TXN2: variants seen among roughly 807,000 people sequenced by gnomAD.
TXN2 encodes thioredoxin, mitochondrial.
In TXN2, 12 loss-of-function variants were observed where a neutral mutation model predicts 14.6. The ratio of observed to expected loss-of-function variants is 0.82; its 90% CI spans 0.53 to 1.33. The LOEUF is 1.33. Ranked by LOEUF, TXN2 falls within the 40% of genes most tolerant of loss-of-function variation. The pLI, the probability that TXN2 is intolerant of heterozygous loss-of-function variation, is 0.00. For missense variants in TXN2, 173 were observed against 207.7 expected (o/e 0.83, Z 1.03); for synonymous variants, 89 against 81.0 (o/e 1.10, Z -0.53).
intron 3 of TXN2, among the ~76,000 whole-genome samples, chr22:36,475,239 G>A (rs1169125409): frequency 3.4e-5 from 5 of 148,754 alleles, no homozygotes; most frequent in Admixed American, 2.0e-4. Context: ...ATTAGCCGGC[G>A]TGGTGGCGCG....
intron 3 of TXN2, among the ~76,000 whole-genome samples, chr22:36,470,821 A>T (rs921733935): frequency 2.6e-5 from 4 of 151,784 alleles, no homozygotes; most frequent in African/African-American, 9.7e-5. Flanking sequence ...GGCCATAATG[A>T]TCTCACTCAT....
chr22:36,477,139 G>A (rs113418452), intron 2 of TXN2, among the ~76,000 whole-genome samples: 6 of 152,164 alleles, frequency 3.9e-5, no homozygotes, highest in African/African-American at 9.7e-5. Context: ...AAAAGGATAT[G>A]GGATTGGAAG....
intron 3 of TXN2, 24 bp from the exon 4 acceptor site, chr22:36,467,941 C>G: frequency 6.3e-7 from 1 of 1,599,662 alleles, no homozygotes; most frequent in South Asian, 1.1e-5. Flanking sequence ...ACAAGGGGGT[C>G]CAAGTGAATT....
At chr22:36,474,282 G>A (rs1465090858) in intron 3 of TXN2, among the ~76,000 whole-genome samples, 3 of 152,090 alleles carry the variant, frequency 2.0e-5, no homozygotes, top group East Asian at 1.9e-4. Context: ...AGTGGCCACC[G>A]TGTTTGTCTG....
intron 3 of TXN2, among the ~76,000 whole-genome samples, chr22:36,470,516 C>A (rs950683724): frequency 6.6e-6 from 1 of 152,198 alleles, no homozygotes; most frequent in Non-Finnish European, 1.5e-5. Flanking sequence ...CACCTGCACA[C>A]TGTCCTATTC....
At chr22:36,476,943 G>A in intron 2 of TXN2, 87 bp from the exon 3 acceptor site, 1 of 1,575,788 alleles carries the variant, frequency 6.3e-7, no homozygotes, top group South Asian at 1.2e-5. Context: ...TCTTTCCAAG[G>A]AATCTTTTGC....
At chr22:36,474,986 T>C (rs1933357035) in intron 3 of TXN2, among the ~76,000 whole-genome samples, 1 of 152,246 alleles carries the variant, frequency 6.6e-6, no homozygotes. Context: ...TTGCTTTGCC[T>C]GAATTGTTCT....
chr22:36,468,217 C>T (rs2145818570), intron 3 of TXN2, among the ~76,000 whole-genome samples: 1 of 152,280 alleles, frequency 6.6e-6, no homozygotes, highest in South Asian at 2.1e-4. Context: ...ATGAAAATAA[C>T]CCTTGCAGCT....
intron 2 of TXN2, among the ~76,000 whole-genome samples, chr22:36,478,882 A>G: frequency 6.6e-6 from 1 of 151,648 alleles, no homozygotes; most frequent in Non-Finnish European, 1.5e-5. Flanking sequence ...TTAACTCGGG[A>G]GGTGGAGGTT....
At chr22:36,470,534 T>TA (rs911796644) in intron 3 of TXN2, among the ~76,000 whole-genome samples, 3 of 151,738 alleles carry the variant, frequency 2.0e-5, no homozygotes, top group African/African-American at 4.9e-5. Flanking sequence ...TTCCTTTAAT[T>TA]AAAATATATG....
At chr22:36,481,527 G>T in intron 1 of TXN2, 37 bp downstream of exon 1, 1 of 980,054 alleles carries the variant, frequency 1.0e-6, no homozygotes, top group Non-Finnish European at 1.2e-6. Context: ...TGCCTCAGCC[G>T]CGACACCACC....
rs528228293 is a variant in TXN2 at position 36,480,516 on chromosome 22, C to T, written c.263+59G>A. 31 of 1,575,140 alleles carry T rather than the reference C, an allele frequency of 2.0e-5. No individual in the cohort carries two copies. The Admixed American group carries it at 3.1e-4, about 16-fold the overall frequency. ...GAACATGGCCGTGGGACACAGCAGGCATTCAATAAATACTTGAACAAGTAG... is the reference window on the plus strand; with the variant it reads ...GAACATGGCCGTGGGACACAGCAGGTATTCAATAAATACTTGAACAAGTAG... On this transcript the variant is annotated intron_variant, in intron 2 of 3. Coordinates refer to ENST00000216185, the MANE Select transcript of TXN2 (RefSeq NM_012473.4).
rs1357105526 is a variant in TXN2 at position 36,475,286 on chromosome 22, G to A, written c.387+1447C>T. Among the ~76,000 whole-genome samples, 5 of 152,210 alleles carry A rather than the reference G, an allele frequency of 3.3e-5. No homozygotes were observed. In the East Asian group the frequency reaches 5.8e-4, roughly 18 times the overall value. On this transcript the variant is annotated intron_variant, in intron 3 of 3. Transcript: ENST00000216185. ...TCAGCTACTCCGGAGGCTGGGACAG[G>A]AGAACTGCTTGAACCCGGGAGGCAG...
chr22:36,469,532 T>G (rs1331981374), intron 3 of TXN2, among the ~76,000 whole-genome samples: 1 of 152,174 alleles, frequency 6.6e-6, no homozygotes, highest in Non-Finnish European at 1.5e-5. Context: ...ATTTACTCAG[T>G]TCCCTCAGGG....
In TXN2 at chr22:36,467,127, A is replaced by AGAG. The variant is rs1345783867; in HGVS notation, c.*674_*676dup. 6.5e-6 allele frequency: 1 copy of AGAG among 153,398 alleles called. No individual in the cohort carries two copies. The highest frequency in any genetic ancestry group is 1.5e-5 in the Non-Finnish European group (1 of 68,720). The allele number at this position is 153,398 out of a possible 1,614,324, so 9.5% of individuals were successfully genotyped here. ...CAGAAAACCAACGGGCCAGCTAAGG[A>AGAG]GAGGAGGAGGCACCTTGAGACTTCC... On this transcript the variant is annotated 3_prime_UTR_variant, in exon 4 of 4. Transcript: ENST00000216185.
chr22:36,473,181 G>A (rs971099457), intron 3 of TXN2, among the ~76,000 whole-genome samples: 22 of 152,242 alleles, frequency 1.4e-4, no homozygotes, highest in Non-Finnish European at 2.6e-4. Context: ...AGTGGCTCAC[G>A]CCCGCAATCC....
chr22:36,470,493 A>G (rs1417648407), intron 3 of TXN2, among the ~76,000 whole-genome samples: 1 of 152,246 alleles, frequency 6.6e-6, no homozygotes, highest in Non-Finnish European at 1.5e-5. Context: ...CAGAGAGCTC[A>G]GCCACCGGCT....
rs1295235181 is a variant in TXN2 at position 36,469,088 on chromosome 22, G to A, written c.388-1171C>T. On this transcript the variant is annotated intron_variant, in intron 3 of 3. Coordinates refer to ENST00000216185, the MANE Select transcript of TXN2 (RefSeq NM_012473.4). ...TAAATAAATACATAAATAAAGCAGA[G>A]CTCAGGTTCTGGCGGACGCAATCCG... is the stretch of plus-strand genomic sequence containing the variant. Among the ~76,000 whole-genome samples the A allele has an allele frequency of 2.0e-5, 3 of 151,626 alleles. No individual in the cohort carries two copies. In the East Asian group the frequency reaches 5.8e-4, roughly 29 times the overall value.
chr22:36,479,968 C>A (rs1006212727), intron 2 of TXN2, among the ~76,000 whole-genome samples: 15 of 151,550 alleles, frequency 9.9e-5, no homozygotes, highest in Non-Finnish European at 1.6e-4. Flanking sequence ...ACTACAAACA[C>A]TACCTCTTAG....
Sources: allele counts gnomAD v4.1 joint callset (sites outside exome capture counted in the v4.1 genomes callset), GRCh38; gene constraint gnomAD v4.1.1; transcripts MANE v1.5; gene names NCBI Gene and HGNC (gene_info 2026-07-23, HGNC 2026-07-21).